MYO5B: variants seen among roughly 807,000 people sequenced by gnomAD.
MYO5B encodes the protein unconventional myosin-Vb.
In MYO5B, 143 loss-of-function variants were observed where a neutral mutation model predicts 229.3. The observed-to-expected ratio is 0.62, with a 90% confidence interval of 0.54 to 0.72. MYO5B has a LOEUF of 0.72. MYO5B is among the 30% of genes least tolerant of loss of function. MYO5B has a pLI of 0.00. For missense variants in MYO5B, 2,321 were observed against 2,331.0 expected (o/e 1.00, Z 0.09); for synonymous variants, 918 against 885.2 (o/e 1.04, Z -0.66).
chr18:50,034,305 A>G (rs2026424370), intron 4 of MYO5B, among the ~76,000 whole-genome samples: 1 of 152,240 alleles, frequency 6.6e-6, no homozygotes. Context: ...GAGAAGACCC[A>G]TACAGGAAAT....
At chr18:49,944,417 A>T (rs1359100938) in intron 14 of MYO5B, among the ~76,000 whole-genome samples, 1 of 152,104 alleles carries the variant, frequency 6.6e-6, no homozygotes, top group African/African-American at 2.4e-5. Context: ...CTGCACATGA[A>T]GCCCTGTCCT....
At chr18:50,021,019 G>A (rs1417456894) in intron 4 of MYO5B, among the ~76,000 whole-genome samples, 2 of 152,182 alleles carry the variant, frequency 1.3e-5, no homozygotes, top group Admixed American at 6.5e-5. Flanking sequence ...AGCACACAGA[G>A]TGTGCAGAGG....
intron 4 of MYO5B, among the ~76,000 whole-genome samples, chr18:50,028,628 C>T (rs889001998): frequency 7.9e-5 from 12 of 152,184 alleles, no homozygotes; most frequent in Non-Finnish European, 1.8e-4. Context: ...CAGTAAACTG[C>T]TGTGTGATAC....
In MYO5B at chr18:49,824,897, C is replaced by G. The variant is rs2023823112; in HGVS notation, c.*1574G>C. On this transcript the variant is annotated 3_prime_UTR_variant, in exon 40 of 40. Coordinates refer to ENST00000285039, the MANE Select transcript of MYO5B (RefSeq NM_001080467.3). ...ACAATGTCAGCAGCCTTAACCCAGG[C>G]TAAGACTGGCCTAAGCCCCAGGAGA... is the stretch of plus-strand genomic sequence containing the variant. The G allele has an allele frequency of 1.3e-5, 2 of 152,346 alleles. No individual in the cohort carries two copies. The highest frequency in any genetic ancestry group is 4.1e-4 in the South Asian group (2 of 4,830). 9.4% of individuals were successfully genotyped at this position (152,346 alleles called of 1,614,324 possible).
At chr18:50,040,701 A>G (rs1216277770) in intron 2 of MYO5B, among the ~76,000 whole-genome samples, 1 of 151,938 alleles carries the variant, frequency 6.6e-6, no homozygotes, top group East Asian at 1.9e-4. Context: ...TAACCAACAC[A>G]CTCCATTTTT....
chr18:50,053,379 G>A (rs1485502023), intron 2 of MYO5B, among the ~76,000 whole-genome samples: 1 of 152,188 alleles, frequency 6.6e-6, no homozygotes, highest in African/African-American at 2.4e-5. Context: ...GCGAGCATCT[G>A]CTCTGTTTTA....
At chr18:50,024,704 A>C (rs1207262202) in intron 4 of MYO5B, among the ~76,000 whole-genome samples, 1 of 152,142 alleles carries the variant, frequency 6.6e-6, no homozygotes, top group Non-Finnish European at 1.5e-5. Context: ...GTGGTTCTAA[A>C]GGACATAGAC....
At chr18:49,932,508 G>A (rs2025204706) in intron 16 of MYO5B, among the ~76,000 whole-genome samples, 1 of 152,106 alleles carries the variant, frequency 6.6e-6, no homozygotes, top group Non-Finnish European at 1.5e-5. Context: ...GTGGTCTGGG[G>A]CAAAGAACTC....
intron 19 of MYO5B, 73 bp from the exon 20 acceptor site, chr18:49,904,901 A>G: frequency 2.6e-6 from 4 of 1,551,794 alleles, no homozygotes; most frequent in Non-Finnish European, 3.5e-6. Flanking sequence ...ACCCTGAGAC[A>G]TCTGCAAATG....
chr18:49,864,454 TCC>T, intron 27 of MYO5B, 74 bp from the exon 28 acceptor site: 1 of 1,579,196 alleles, frequency 6.3e-7, no homozygotes, highest in Non-Finnish European at 8.6e-7. Flanking sequence ...CCTCCCCTCC[TCC>T]CCTTCTTTTG....
chr18:49,902,555 A>C (rs776204320), intron 21 of MYO5B, 39 bp downstream of exon 21: 19 of 1,604,656 alleles, frequency 1.2e-5, no homozygotes, highest in Non-Finnish European at 1.6e-5. Context: ...TCCAGTACCC[A>C]AGCCCCCGAC....
intron 39 of MYO5B, among the ~76,000 whole-genome samples, chr18:49,833,472 G>T (rs1002502667): frequency 6.7e-6 from 1 of 150,032 alleles, no homozygotes; most frequent in African/African-American, 2.4e-5. Flanking sequence ...AGAACTGCGA[G>T]ACACTGAAAT....
chr18:49,863,104 C>G (rs2144078041), intron 29 of MYO5B, 123 bp downstream of exon 29: 1 of 788,246 alleles, frequency 1.3e-6, no homozygotes, highest in Non-Finnish European at 2.2e-6. Flanking sequence ...TCTGTGTCCT[C>G]TAATAAATAA....
At chr18:50,124,345 GAATAGAC>G (rs1201570747) in intron 1 of MYO5B, among the ~76,000 whole-genome samples, 1 of 152,172 alleles carries the variant, frequency 6.6e-6, no homozygotes, top group Non-Finnish European at 1.5e-5. Context: ...TTATTTGGTT[GAATAGAC>G]AATCATTCCC....
chr18:49,973,260 T>C (rs903657156), intron 10 of MYO5B, among the ~76,000 whole-genome samples: 3 of 152,100 alleles, frequency 2.0e-5, no homozygotes, highest in Middle Eastern at 3.2e-3. Flanking sequence ...TGCAACATAG[T>C]TCAATTTGAA....
chr18:50,039,010 A>T (rs1748203373), intron 3 of MYO5B, among the ~76,000 whole-genome samples: 2 of 152,140 alleles, frequency 1.3e-5, no homozygotes, highest in South Asian at 4.1e-4. Context: ...ACTCACCCTA[A>T]CTTAGCAGCT....
chr18:50,130,804 G>A (rs531373825), intron 1 of MYO5B, among the ~76,000 whole-genome samples: 1 of 152,116 alleles, frequency 6.6e-6, no homozygotes, highest in Non-Finnish European at 1.5e-5. Flanking sequence ...TTTACAAAAC[G>A]ACTGTGATGT....
intron 5 of MYO5B, among the ~76,000 whole-genome samples, chr18:49,994,269 C>G (rs1479480987): frequency 6.6e-6 from 1 of 152,212 alleles, no homozygotes; most frequent in Non-Finnish European, 1.5e-5. Flanking sequence ...TGCTTCAGCA[C>G]AGACTCTGTA....
At position 49,863,332 on chromosome 18, in the gene MYO5B, A is replaced by G; in HGVS notation, c.3844-5T>C. On this transcript the variant is annotated splice_region_variant and splice_polypyrimidine_tract_variant and intron_variant, in intron 28 of 39. Transcript: ENST00000285039. ...TCTGGCATTAATGTTCGGCTCCTAG[A>G]AAGCCCCAGATAAAAAAATAACTCT... 1.2e-6 allele frequency: 2 copies of G among 1,613,120 alleles called. No individual in the cohort carries two copies. Among genetic ancestry groups the G allele is most frequent in the Non-Finnish European group, 1.7e-6 (2 of 1,179,454 alleles).
Sources: gnomAD v4.1 joint callset for allele counts (sites outside exome capture counted in the v4.1 genomes callset) on GRCh38, gnomAD v4.1.1 for gene constraint, MANE v1.5 for transcripts, NCBI Gene and HGNC (gene_info 2026-07-23, HGNC 2026-07-21) for gene names.